Variants in MRM1 observed in about 807,000 individuals in gnomAD.
MRM1 encodes the protein mitochondrial rRNA methyltransferase 1.
Under a neutral mutation model 25.0 loss-of-function variants are expected in MRM1, and 24 were observed. The observed-to-expected ratio is 0.96, with a 90% CI of 0.69 to 1.35. The LOEUF (loss-of-function observed/expected upper bound fraction) is 1.35. MRM1 is among the 40% of genes most tolerant of loss of function. The probability of loss-of-function intolerance (pLI) is 0.00; values close to 1 mark genes in which losing one functional copy is unlikely to be tolerated. For synonymous variants in MRM1, 188 were observed against 199.2 expected (o/e 0.94, Z 0.47); for missense variants, 431 against 464.1 (o/e 0.93, Z 0.65).
the MRM1 span, among the ~76,000 whole-genome samples, chr17:36,631,815 T>C: frequency 6.6e-6 from 1 of 152,100 alleles, no homozygotes; most frequent in African/African-American, 2.4e-5. Flanking sequence ...AATAAATCTT[T>C]CTCAGAGATG....
At chr17:36,629,377 G>T in the MRM1 span, among the ~76,000 whole-genome samples, 1 of 152,162 alleles carries the variant, frequency 6.6e-6, no homozygotes, top group Non-Finnish European at 1.5e-5. Flanking sequence ...TTCTGCACCC[G>T]GCCACCCCCA....
chr17:36,609,362 C>T (rs1031422950), downstream of MRM1, among the ~76,000 whole-genome samples: 1 of 152,232 alleles, frequency 6.6e-6, no homozygotes, highest in Non-Finnish European at 1.5e-5. Flanking sequence ...GTGGCGCCAC[C>T]TGGCATCCGG....
At chr17:36,604,489 G>A (rs542451991) in intron 2 of MRM1, among the ~76,000 whole-genome samples, 29 of 152,204 alleles carry the variant, frequency 1.9e-4, no homozygotes, top group African/African-American at 5.3e-4. Context: ...TTTAGTCCTC[G>A]GATCTCTTTT....
In MRM1 at chr17:36,602,096, G is replaced by A. The variant is rs1335959651; in HGVS notation, c.286G>A (p.Asp96Asn). 6.2e-7 allele frequency: 1 copy of A among 1,611,340 alleles called. No homozygotes were observed. Among genetic ancestry groups the A allele is most frequent in the South Asian group, 1.1e-5 (1 of 91,084 alleles). Residue 96 changes from aspartate (D) to asparagine (N), a missense_variant, in exon 1 of 5, where the codon GAC becomes AAC. Coordinates refer to ENST00000614766, the MANE Select transcript of MRM1 (RefSeq NM_024864.5). This position sits in a 1 kb window ranked among gnomAD's most constrained non-coding sequence, Gnocchi z 4.1. The stretch of plus-strand genomic sequence containing the variant: ...GCTGCTCCGGATGGCCGAGGCGCGG[G>A]ACATTCCAGTTCTGCGGCCCAGACG... ...AELLRMAEAR[D>N]IPVLRPRRQK... is the part of the protein sequence containing the mutation.
At chr17:36,615,357 C>T in the MRM1 span, among the ~76,000 whole-genome samples, 2 of 152,178 alleles carry the variant, frequency 1.3e-5, no homozygotes, top group East Asian at 1.9e-4. Context: ...TTATCTGCAA[C>T]CTGAGAAAAA....
At chr17:36,618,251 C>T in the MRM1 span, among the ~76,000 whole-genome samples, 5,210 of 152,190 alleles carry the variant, frequency 0.034, 128 homozygotes, top group Non-Finnish European at 0.05. Flanking sequence ...AAGGACAGAA[C>T]GCCAAGGCTT....
chr17:36,612,676 CTG>C (rs2074983907), downstream of MRM1, among the ~76,000 whole-genome samples: 1 of 152,194 alleles, frequency 6.6e-6, no homozygotes, highest in Non-Finnish European at 1.5e-5. Context: ...AGTTCCAACT[CTG>C]TGGCTTGCTA....
At chr17:36,619,410 G>A in the MRM1 span, among the ~76,000 whole-genome samples, 1 of 152,220 alleles carries the variant, frequency 6.6e-6, no homozygotes, top group East Asian at 1.9e-4. Context: ...GCTCATGCCT[G>A]TAATCCTAGC....
chr17:36,630,259 G>A, the MRM1 span, among the ~76,000 whole-genome samples: 5 of 152,182 alleles, frequency 3.3e-5, no homozygotes, highest in Admixed American at 1.3e-4. Context: ...GGTGCCTGGG[G>A]GTGGAGGCAG....
At chr17:36,622,144 G>A in the MRM1 span, among the ~76,000 whole-genome samples, 2 of 152,232 alleles carry the variant, frequency 1.3e-5, no homozygotes, top group South Asian at 4.1e-4. Flanking sequence ...CCTCCACCAG[G>A]GGCCAGAGGC....
the MRM1 span, among the ~76,000 whole-genome samples, chr17:36,614,191 C>T: frequency 1.3e-5 from 2 of 152,180 alleles, no homozygotes; most frequent in East Asian, 1.9e-4. Flanking sequence ...AGGGCAAGTC[C>T]CAGCTCATTA....
At chr17:36,627,830 C>T in the MRM1 span, among the ~76,000 whole-genome samples, 191 of 152,100 alleles carry the variant, frequency 1.3e-3, 2 homozygotes, top group African/African-American at 4.4e-3. Flanking sequence ...CACGCCACCA[C>T]GCCCAGCTGA....
chr17:36,627,674 G>GTTTTTTTTTTTTTTTT, the MRM1 span, among the ~76,000 whole-genome samples: 1 of 83,728 alleles, frequency 1.2e-5, no homozygotes, highest in Non-Finnish European at 2.2e-5. Context: ...TTTGGACACT[G>GTTTTTTTTTTTTTTTT]TTTTTTTTTT....
At chr17:36,619,145 A>G in the MRM1 span, among the ~76,000 whole-genome samples, 1 of 152,128 alleles carries the variant, frequency 6.6e-6, no homozygotes, top group African/African-American at 2.4e-5. Context: ...ATCATACAGC[A>G]TTTGTCTTTT....
chr17:36,614,378 G>A, the MRM1 span, among the ~76,000 whole-genome samples: 2 of 152,152 alleles, frequency 1.3e-5, no homozygotes, highest in African/African-American at 2.4e-5. Context: ...TCTCACTTCT[G>A]GGCCTGTGCG....
At chr17:36,634,680 C>T in the MRM1 span, 1 of 152,340 alleles carries the variant, frequency 6.6e-6, no homozygotes, top group East Asian at 1.9e-4. Context: ...ATAAATGCAA[C>T]TGCTGTATTT....
At chr17:36,627,911 A>G in the MRM1 span, among the ~76,000 whole-genome samples, 1 of 151,894 alleles carries the variant, frequency 6.6e-6, no homozygotes, top group Non-Finnish European at 1.5e-5. Context: ...CCTGACCTCA[A>G]GTGATCTGCC....
the MRM1 span, among the ~76,000 whole-genome samples, chr17:36,623,861 A>G: frequency 6.6e-6 from 1 of 151,424 alleles, no homozygotes; most frequent in South Asian, 2.1e-4. Flanking sequence ...TCTGACTCCC[A>G]CCTCTGCTTC....
the MRM1 span, among the ~76,000 whole-genome samples, chr17:36,628,547 A>T: frequency 1.4e-4 from 21 of 152,152 alleles, no homozygotes; most frequent in Non-Finnish European, 8.8e-5. Flanking sequence ...GCAGTGTGAG[A>T]TGCAAGGTGC....
Sources: gnomAD v4.1 joint callset for allele counts (sites outside exome capture counted in the v4.1 genomes callset) on GRCh38, gnomAD v4.1.1 for gene constraint, Gnocchi (gnomAD v3.1) non-coding constraint, MANE v1.5 for transcripts, NCBI Gene and HGNC (gene_info 2026-07-23, HGNC 2026-07-21) for gene names.